Variants in UBL3 observed in about 807,000 individuals in gnomAD.
UBL3 encodes the protein ubiquitin-like protein 3.
Under a neutral mutation model 18.4 loss-of-function variants are expected in UBL3, and 6 were observed. The observed-to-expected ratio is 0.33, with a 90% CI of 0.18 to 0.64. The LOEUF is 0.64. UBL3 is among the 30% of genes least tolerant of loss of function. The pLI is 0.76. For synonymous variants in UBL3, 49 were observed against 46.6 expected (o/e 1.05, Z -0.21); for missense variants, 109 against 142.9 (o/e 0.76, Z 1.21).
rs1265977557 is a variant in UBL3, at chr13:29,850,498, G to A, written c.-960C>T. The A allele has an allele frequency of 6.5e-6, 1 of 152,726 alleles. No individual in the cohort carries two copies. The highest frequency in any genetic ancestry group is 1.5e-5 in the Non-Finnish European group (1 of 68,432). The allele number at this position is 152,726 out of a possible 1,614,324, so 9.5% of individuals were successfully genotyped here. A position where few individuals can be genotyped will look rare whatever the true frequency, so the allele number is the denominator to read the frequency against. On this transcript the variant is annotated 5_prime_UTR_variant, in exon 1 of 5. Transcript: ENST00000380680. ...AGCCCGGGAATGGTTTCCTCTCAGA[G>A]CTTTGTTTCTCCTCCTCCTCCTTCA...
intron 1 of UBL3, among the ~76,000 whole-genome samples, chr13:29,827,062 A>G (rs926729442): frequency 6.6e-6 from 1 of 152,100 alleles, no homozygotes; most frequent in African/African-American, 2.4e-5. Context: ...GTTTGTTATA[A>G]TTTCTGTTCT....
At chr13:29,779,756 T>C (rs1374302210) in intron 1 of UBL3, among the ~76,000 whole-genome samples, 8 of 152,178 alleles carry the variant, frequency 5.3e-5, no homozygotes, top group Non-Finnish European at 8.8e-5. Context: ...AAAACAGTAT[T>C]GTGGGAACAA....
intron 1 of UBL3, among the ~76,000 whole-genome samples, chr13:29,840,272 G>C (rs1383997122): frequency 6.6e-6 from 1 of 152,082 alleles, no homozygotes; most frequent in Non-Finnish European, 1.5e-5. Context: ...CAAATCTCTT[G>C]AAAAGCAAAA....
At chr13:29,776,651 TC>T (rs1319678451) in intron 2 of UBL3, among the ~76,000 whole-genome samples, 1 of 151,784 alleles carries the variant, frequency 6.6e-6, no homozygotes, top group Non-Finnish European at 1.5e-5. Context: ...GGTGGGTGGA[TC>T]ACAAGGTCAA....
chr13:29,821,104 A>G (rs1878424253), intron 1 of UBL3, among the ~76,000 whole-genome samples: 1 of 152,150 alleles, frequency 6.6e-6, no homozygotes, highest in Non-Finnish European at 1.5e-5. Context: ...GTGAAGCATA[A>G]AACAGTGCCC....
At chr13:29,791,336 C>T (rs1041310554) in intron 1 of UBL3, among the ~76,000 whole-genome samples, 1 of 152,188 alleles carries the variant, frequency 6.6e-6, no homozygotes, top group African/African-American at 2.4e-5. Flanking sequence ...TAATCACTTA[C>T]AAGTGCTGCA....
rs565888310 is a variant in UBL3, at chr13:29,787,356, C to T, written c.28-10093G>A. Among the ~76,000 whole-genome samples the T allele has an allele frequency of 1.6e-4, 25 of 152,202 alleles. No individual in the cohort carries two copies. The South Asian group carries it at 3.1e-3, about 19-fold the overall frequency. Reference sequence around the variant, plus strand: ...ATCATCAGTTTAGTAAATCACATAACGCTAACTATATAATGCTCTTTCCTT... The same window carrying T: ...ATCATCAGTTTAGTAAATCACATAATGCTAACTATATAATGCTCTTTCCTT... On this transcript the variant is annotated intron_variant, in intron 1 of 4. Transcript: ENST00000380680.
At chr13:29,835,592 T>C (rs1284949893) in intron 1 of UBL3, among the ~76,000 whole-genome samples, 4 of 151,096 alleles carry the variant, frequency 2.6e-5, no homozygotes, top group African/African-American at 9.7e-5. Context: ...CCATCTCTAC[T>C]AAAAACACAA....
At chr13:29,825,335 C>A (rs1236015811) in intron 1 of UBL3, among the ~76,000 whole-genome samples, 1 of 152,194 alleles carries the variant, frequency 6.6e-6, no homozygotes, top group East Asian at 1.9e-4. Context: ...TATCCATCAG[C>A]ATGGAATGTT....
chr13:29,798,579 A>G (rs1877676228), intron 1 of UBL3, among the ~76,000 whole-genome samples: 1 of 152,250 alleles, frequency 6.6e-6, no homozygotes, highest in African/African-American at 2.4e-5. Context: ...ATGTGCAATC[A>G]TTCTACAAAT....
At chr13:29,781,124 G>A (rs945735327) in intron 1 of UBL3, among the ~76,000 whole-genome samples, 16 of 151,280 alleles carry the variant, frequency 1.1e-4, no homozygotes, top group Admixed American at 5.3e-4. Flanking sequence ...GCAGTGAGCC[G>A]AGATCACACT....
chr13:29,792,514 G>A (rs1593657786), intron 1 of UBL3, among the ~76,000 whole-genome samples: 1 of 152,158 alleles, frequency 6.6e-6, no homozygotes, highest in African/African-American at 2.4e-5. Flanking sequence ...AATACAGTCT[G>A]TCTGTCTATG....
chr13:29,777,839 T>C (rs1877043065), intron 1 of UBL3, among the ~76,000 whole-genome samples: 1 of 152,194 alleles, frequency 6.6e-6, no homozygotes, highest in Non-Finnish European at 1.5e-5. Context: ...CAATCTTGGC[T>C]CACTGCAACC....
At chr13:29,814,570 C>G (rs1036570563) in intron 1 of UBL3, among the ~76,000 whole-genome samples, 9 of 152,096 alleles carry the variant, frequency 5.9e-5, no homozygotes, top group African/African-American at 2.2e-4. Context: ...TTAACACCCA[C>G]TCTTTTCCAA....
intron 1 of UBL3, among the ~76,000 whole-genome samples, chr13:29,835,124 AAATATATATAT>A (rs1878906670): frequency 2.7e-5 from 1 of 36,720 alleles, no homozygotes; most frequent in African/African-American, 3.0e-4. Flanking sequence ...ATATATATAT[AAATATATATAT>A]ATATATATAT....
chr13:29,823,483 C>G lies in UBL3; in HGVS notation c.27+26029G>C, dbSNP rs1219746327. Among the ~76,000 whole-genome samples the G allele has an allele frequency of 2.6e-5, 4 of 152,168 alleles. No homozygotes were observed. The East Asian group carries it at 7.7e-4, about 29-fold the overall frequency. On this transcript the variant is annotated intron_variant, in intron 1 of 4. Transcript: ENST00000380680. ...AAGTGTAGACAGATAAAAATAAATACAGTATGGCCAAGAAAGGACAAATTG... is the reference window on the plus strand; with the variant it reads ...AAGTGTAGACAGATAAAAATAAATAGAGTATGGCCAAGAAAGGACAAATTG...
chr13:29,808,081 T>G (rs1877943518), intron 1 of UBL3, among the ~76,000 whole-genome samples: 1 of 152,160 alleles, frequency 6.6e-6, no homozygotes, highest in Non-Finnish European at 1.5e-5. Context: ...AAGCCTCTGT[T>G]TGCTAAAGGG....
At chr13:29,819,359 C>T (rs181139059) in intron 1 of UBL3, among the ~76,000 whole-genome samples, 4 of 152,194 alleles carry the variant, frequency 2.6e-5, no homozygotes, top group African/African-American at 7.2e-5. Context: ...TTACCCTTAA[C>T]CACATCAAGG....
chr13:29,781,001 C>T (rs557261372), intron 1 of UBL3, among the ~76,000 whole-genome samples: 18 of 152,208 alleles, frequency 1.2e-4, no homozygotes, highest in South Asian at 4.1e-4. Flanking sequence ...TGGTGAAACC[C>T]GGTCTCTAAT....
Sources: gnomAD v4.1 joint callset for allele counts (sites outside exome capture counted in the v4.1 genomes callset) on GRCh38, gnomAD v4.1.1 for gene constraint, MANE v1.5 for transcripts, NCBI Gene and HGNC (gene_info 2026-07-23, HGNC 2026-07-21) for gene names.